NELL1: variants seen among roughly 807,000 people sequenced by gnomAD.
The protein encoded by NELL1 is protein kinase C-binding protein NELL1.
NELL1 carries 76 observed loss-of-function variants against 107.4 expected under a neutral mutation model. The ratio of observed to expected loss-of-function variants is 0.71; its 90% CI spans 0.59 to 0.86. The LOEUF (loss-of-function observed/expected upper bound fraction) is 0.86, where lower values mean the gene tolerates loss of function less well. Among genes scored for constraint, NELL1 ranks in the 40% least tolerant of loss-of-function variants. The probability of loss-of-function intolerance (pLI) is 0.00; values close to 1 mark genes in which losing one functional copy is unlikely to be tolerated. For synonymous variants in NELL1, 353 were observed against 341.2 expected (o/e 1.03, Z -0.38); for missense variants, 1,024 against 1,005.5 (o/e 1.02, Z -0.25).
chr11:21,126,744 G>T (rs537147966), intron 13 of NELL1, among the ~76,000 whole-genome samples: 1 of 152,198 alleles, frequency 6.6e-6, no homozygotes, highest in Non-Finnish European at 1.5e-5. Context: ...AAAGCCGCTT[G>T]CCTTGAGAAG....
At chr11:20,826,761 G>A (rs1036466836) in intron 3 of NELL1, among the ~76,000 whole-genome samples, 1 of 151,064 alleles carries the variant, frequency 6.6e-6, no homozygotes, top group African/African-American at 2.4e-5. Context: ...CAGCCTTAGT[G>A]GAACTAATCT....
intron 1 of NELL1, among the ~76,000 whole-genome samples, chr11:20,670,148 C>T (rs893059451): frequency 4.6e-5 from 7 of 151,994 alleles, no homozygotes; most frequent in African/African-American, 1.7e-4. Flanking sequence ...GCTGTGGAAA[C>T]CACTCTCGCC....
intron 14 of NELL1, 97 bp downstream of exon 14, chr11:21,229,551 A>T: frequency 1.3e-6 from 2 of 1,500,742 alleles, no homozygotes. Context: ...TTGGTGGAAC[A>T]CAGCCAGGGT....
intron 16 of NELL1, among the ~76,000 whole-genome samples, chr11:21,547,616 A>C (rs1856475559): frequency 6.6e-6 from 1 of 151,986 alleles, no homozygotes; most frequent in South Asian, 2.1e-4. Flanking sequence ...ATAAAATTTC[A>C]GATACTCTAT....
intron 14 of NELL1, among the ~76,000 whole-genome samples, chr11:21,333,929 G>A (rs533980498): frequency 5.3e-5 from 8 of 152,130 alleles, no homozygotes; most frequent in South Asian, 2.1e-4. Flanking sequence ...CTGCTGAGTC[G>A]TGAGATTTGG....
intron 15 of NELL1, among the ~76,000 whole-genome samples, chr11:21,431,790 C>CA: frequency 6.6e-6 from 1 of 152,024 alleles, no homozygotes; most frequent in Non-Finnish European, 1.5e-5. Context: ...TGCTTCTACG[C>CA]TTTTTTTTAT....
At chr11:21,397,904 G>A (rs1044421305) in intron 15 of NELL1, among the ~76,000 whole-genome samples, 1 of 151,462 alleles carries the variant, frequency 6.6e-6, no homozygotes, top group Non-Finnish European at 1.5e-5. Context: ...AGAAGACAAA[G>A]CTCTCACCAG....
chr11:20,873,882 G>T (rs1356114391), intron 4 of NELL1, among the ~76,000 whole-genome samples: 1 of 151,210 alleles, frequency 6.6e-6, no homozygotes, highest in African/African-American at 2.4e-5. Context: ...TCCTGTTTCA[G>T]CCTCCCCAGT....
At chr11:21,451,185 T>TAAAAAAAAAAAAAAAAA (rs35257979) in intron 15 of NELL1, among the ~76,000 whole-genome samples, 1 of 101,614 alleles carries the variant, frequency 9.8e-6, no homozygotes, top group Non-Finnish European at 1.8e-5. Flanking sequence ...AGACTCCGTC[T>TAAAAAAAAAAAAAAAAA]AAAAAAAAAA....
intron 12 of NELL1, among the ~76,000 whole-genome samples, chr11:21,041,308 A>G (rs1419077332): frequency 6.6e-6 from 1 of 152,192 alleles, no homozygotes; most frequent in Non-Finnish European, 1.5e-5. Context: ...AACACAACAT[A>G]GTTAATTGTT....
chr11:20,727,547 G>T (rs1040698800), intron 2 of NELL1, among the ~76,000 whole-genome samples: 2 of 152,116 alleles, frequency 1.3e-5, no homozygotes, highest in African/African-American at 2.4e-5. Flanking sequence ...TCTGTAGGTT[G>T]CCTGTTCACT....
chr11:21,007,380 C>T (rs545183441), intron 12 of NELL1, among the ~76,000 whole-genome samples: 2 of 138,278 alleles, frequency 1.4e-5, no homozygotes, highest in African/African-American at 2.7e-5. Context: ...TGTATGTACA[C>T]ACACACAGAC....
chr11:21,133,955 C>T (rs903930938), intron 13 of NELL1, among the ~76,000 whole-genome samples: 19 of 152,318 alleles, frequency 1.2e-4, no homozygotes, highest in African/African-American at 4.6e-4. Flanking sequence ...GGCACGTAGC[C>T]CCAGCCATGC....
intron 15 of NELL1, among the ~76,000 whole-genome samples, chr11:21,441,330 CGTGTGTGTGTGTGTGTGTGTGTGT>C (rs201892977): frequency 7.1e-6 from 1 of 140,150 alleles, no homozygotes; most frequent in East Asian, 2.0e-4. Context: ...GAGGCTGTGA[CGTGTGTGTGTGTGTGTGTGTGTGT>C]GTGTGTGTGT....
chr11:21,255,548 T>C (rs1427663267), intron 14 of NELL1, among the ~76,000 whole-genome samples: 1 of 152,040 alleles, frequency 6.6e-6, no homozygotes, highest in East Asian at 1.9e-4. Flanking sequence ...AACTTCAGTA[T>C]AGCTCGAAAG....
At chr11:21,515,504 G>T (rs1212119430) in intron 15 of NELL1, among the ~76,000 whole-genome samples, 2 of 152,066 alleles carry the variant, frequency 1.3e-5, no homozygotes, top group Non-Finnish European at 2.9e-5. Context: ...ATGTTATAAA[G>T]AACATAGAGC....
At chr11:20,846,925 A>C (rs1848710795) in intron 3 of NELL1, among the ~76,000 whole-genome samples, 1 of 152,222 alleles carries the variant, frequency 6.6e-6, no homozygotes, top group Admixed American at 6.5e-5. Context: ...CCACAGTGGT[A>C]AGGCTAAGAA....
intron 13 of NELL1, among the ~76,000 whole-genome samples, chr11:21,177,983 A>G (rs1054830758): frequency 2.6e-5 from 4 of 151,566 alleles, no homozygotes; most frequent in Non-Finnish European, 4.4e-5. Context: ...CTTTTTATGG[A>G]GTACTTTGAG....
At chr11:21,034,523 A>G (rs1052393759) in intron 12 of NELL1, among the ~76,000 whole-genome samples, 2 of 152,210 alleles carry the variant, frequency 1.3e-5, no homozygotes, top group Non-Finnish European at 2.9e-5. Context: ...GCAAATGCGA[A>G]AGACCTGAAA....
Sources: allele counts gnomAD v4.1 joint callset (sites outside exome capture counted in the v4.1 genomes callset), GRCh38; gene constraint gnomAD v4.1.1; transcripts MANE v1.5; gene names NCBI Gene and HGNC (gene_info 2026-07-23, HGNC 2026-07-21).